SMC2: variants seen among roughly 807,000 people sequenced by gnomAD.
The protein encoded by SMC2 is structural maintenance of chromosomes protein 2.
A neutral mutation model predicts 142.6 loss-of-function variants in SMC2; 41 were observed. That is an observed-to-expected ratio of 0.29 (90% CI 0.22 to 0.37). SMC2 has a LOEUF of 0.37. Ranked by LOEUF, SMC2 falls within the 10% of genes least tolerant of loss-of-function variation. The pLI, the probability that SMC2 is intolerant of heterozygous loss-of-function variation, is 1.00. For missense variants in SMC2, 1,265 were observed against 1,373.7 expected (o/e 0.92, Z 1.25); for synonymous variants, 463 against 457.5 (o/e 1.01, Z -0.15).
intron 18 of SMC2, among the ~76,000 whole-genome samples, chr9:104,125,348 A>G (rs1475825618): frequency 6.6e-6 from 1 of 152,170 alleles, no homozygotes; most frequent in East Asian, 1.9e-4. Context: ...GGAAATGTTC[A>G]TTGGAGCAGA....
rs1835953969 is a variant in SMC2 at position 104,140,303 on chromosome 9, G to T, written c.*988G>T. The T allele has an allele frequency of 6.6e-6, 1 of 151,974 alleles. No homozygotes were observed. The highest frequency in any genetic ancestry group is 1.5e-5 in the Non-Finnish European group (1 of 67,958). The allele number at this position is 151,974 out of a possible 1,614,324, so 9.4% of individuals were successfully genotyped here. On this transcript the variant is annotated 3_prime_UTR_variant, in exon 25 of 25. Transcript: ENST00000374793. The stretch of plus-strand genomic sequence containing the variant: ...TTGTCTTCCGCTTTCCAGTTCAAAG[G>T]GATGAAATTCCTTTAGAACTTGAAA...
intron 21 of SMC2, among the ~76,000 whole-genome samples, chr9:104,131,172 G>C (rs974265629): frequency 6.6e-6 from 1 of 152,090 alleles, no homozygotes. Context: ...TCCCTCTACA[G>C]CCTTGCTTGA....
intron 18 of SMC2, among the ~76,000 whole-genome samples, chr9:104,125,891 TC>T (rs200004931): frequency 0.016 from 2,471 of 152,242 alleles, 87 homozygotes; most frequent in African/African-American, 0.057. Context: ...TTTAGCCCAC[TC>T]TAAGATTCTT....
Position 104,095,467 on chromosome 9 carries a change from A to G in SMC2, c.83A>G (p.Asn28Ser), listed in dbSNP as rs1467090794. 8.1e-6 allele frequency: 13 copies of G among 1,613,748 alleles called. No individual in the cohort carries two copies. Among genetic ancestry groups the G allele is most frequent in the Admixed American group, 1.7e-5 (1 of 60,000 alleles). Residue 28 changes from asparagine to serine, a missense_variant, in exon 2 of 25, where the codon AAT becomes AGT. This residue lies in a region of SMC2 where 168 missense variants were observed against 184.8 expected (regional missense o/e 0.91). Transcript: ENST00000374793. ...TEVNGFDPLF[N>S]AITGLNGSGK... ...GTCAATGGTTTTGACCCCCTCTTCAATGCTATCACTGGCTTAAATGGTAGT... is the reference window on the plus strand; with the variant it reads ...GTCAATGGTTTTGACCCCCTCTTCAGTGCTATCACTGGCTTAAATGGTAGT...
intron 4 of SMC2, among the ~76,000 whole-genome samples, chr9:104,099,358 A>G (rs986291772): frequency 2.0e-5 from 3 of 152,116 alleles, no homozygotes; most frequent in African/African-American, 7.2e-5. Flanking sequence ...GAATATTTCT[A>G]CTTAATGTTA....
intron 20 of SMC2, among the ~76,000 whole-genome samples, chr9:104,128,162 A>G (rs1227594235): frequency 6.6e-6 from 1 of 152,162 alleles, no homozygotes. Flanking sequence ...AATGTCCAGG[A>G]TATTTTTTTT....
intron 9 of SMC2, among the ~76,000 whole-genome samples, chr9:104,108,510 C>T (rs1832071329): frequency 6.6e-6 from 1 of 152,164 alleles, no homozygotes; most frequent in Admixed American, 6.5e-5. Context: ...GTCTGAGAAC[C>T]TCTTTCCTGT....
Position 104,098,534 on chromosome 9 carries a change from T to G in SMC2, c.407T>G (p.Leu136Arg). The change falls in exon 4 of 25, where the codon CTT becomes CGT. Residue 136 changes from leucine to arginine, a missense_variant. By Grantham distance (102) the Leu-to-Arg change is moderately radical. This residue lies in a region of SMC2 where 168 missense variants were observed against 184.8 expected (regional missense o/e 0.91). Transcript: ENST00000374793. ...CAGGATCTCTTCTGTTCTGTTGGCC[T>G]TAATGTTAACAACCCTCACTTTCTC... Reference protein sequence around the residue: ...RVQDLFCSVGLNVNNPHFLIM... With the variant: ...RVQDLFCSVGRNVNNPHFLIM... The G allele has an allele frequency of 6.3e-7, 1 of 1,596,636 alleles. No homozygotes were observed. The highest frequency in any genetic ancestry group is 8.5e-7 in the Non-Finnish European group (1 of 1,173,680).
chr9:104,138,432 TTA>T (rs1423749096), intron 24 of SMC2, among the ~76,000 whole-genome samples: 1 of 152,102 alleles, frequency 6.6e-6, no homozygotes, highest in Non-Finnish European at 1.5e-5. Flanking sequence ...TGATTTAGGG[TTA>T]ATATAATTGT....
At chr9:104,125,360 T>C (rs1834152876) in intron 18 of SMC2, among the ~76,000 whole-genome samples, 2 of 152,158 alleles carry the variant, frequency 1.3e-5, no homozygotes, top group South Asian at 4.1e-4. Context: ...TGGAGCAGAT[T>C]GGATTTGGGA....
At chr9:104,131,868 C>T (rs1044715175) in intron 21 of SMC2, 141 bp from the exon 22 acceptor site, 5 of 555,924 alleles carry the variant, frequency 9.0e-6, no homozygotes, top group African/African-American at 7.7e-5. Flanking sequence ...ATATATAATT[C>T]TTAGTGCATT....
At chr9:104,128,647 A>G (rs1387845051) in intron 20 of SMC2, among the ~76,000 whole-genome samples, 1 of 152,260 alleles carries the variant, frequency 6.6e-6, no homozygotes, top group African/African-American at 2.4e-5. Context: ...GACCATATCC[A>G]TGGAATTAAT....
chr9:104,105,523 A>G (rs187694517), intron 9 of SMC2, among the ~76,000 whole-genome samples: 196 of 152,084 alleles, frequency 1.3e-3, no homozygotes, highest in Admixed American at 1.1e-3. Context: ...CATAAGTTCA[A>G]TTTCTCCCAT....
chr9:104,139,110 T>C (rs1835850264), intron 24 of SMC2, 29 bp from the exon 25 acceptor site: 1 of 1,507,482 alleles, frequency 6.6e-7, no homozygotes, highest in Admixed American at 2.5e-5. Flanking sequence ...ACAAAAAGTT[T>C]TTTTATACTT....
intron 9 of SMC2, among the ~76,000 whole-genome samples, chr9:104,103,338 A>T (rs1015653264): frequency 1.3e-5 from 2 of 152,200 alleles, no homozygotes; most frequent in African/African-American, 4.8e-5. Flanking sequence ...AAAAGTGAAT[A>T]TAGATAACTT....
intron 21 of SMC2, among the ~76,000 whole-genome samples, chr9:104,130,080 G>A (rs773128353): frequency 4.0e-5 from 6 of 151,592 alleles, no homozygotes; most frequent in Non-Finnish European, 7.4e-5. Flanking sequence ...TTTGTTCTTT[G>A]TCAAACATAA....
chr9:104,107,416 T>C (rs1184262547), intron 9 of SMC2, among the ~76,000 whole-genome samples: 3 of 152,104 alleles, frequency 2.0e-5, no homozygotes, highest in African/African-American at 7.2e-5. Flanking sequence ...TGCATGGAGG[T>C]TGTGGACACC....
At chr9:104,116,351 A>G (rs1449360037) in intron 14 of SMC2, 32 bp downstream of exon 14, 6 of 1,565,400 alleles carry the variant, frequency 3.8e-6, no homozygotes, top group Non-Finnish European at 5.2e-6. Flanking sequence ...TTATATGTTT[A>G]ATCGTCATCT....
At chr9:104,138,224 ATTC>A in intron 24 of SMC2, 59 bp downstream of exon 24, 1 of 1,379,956 alleles carries the variant, frequency 7.2e-7, no homozygotes, top group Non-Finnish European at 9.9e-7. Flanking sequence ...TTCTAAAACC[ATTC>A]TTTAGTTAGT....
Sources: allele counts gnomAD v4.1 joint callset (sites outside exome capture counted in the v4.1 genomes callset), GRCh38; gene constraint gnomAD v4.1.1; regional missense constraint gnomAD v4.1.1; transcripts MANE v1.5; gene names NCBI Gene and HGNC (gene_info 2026-07-23, HGNC 2026-07-21).